NSA2: variants seen among roughly 807,000 people sequenced by gnomAD.
NSA2 encodes ribosome biogenesis protein NSA2 homolog.
A neutral mutation model predicts 34.8 loss-of-function variants in NSA2; 18 were observed. That is an observed-to-expected ratio of 0.52 (90% CI 0.36 to 0.77). The LOEUF (loss-of-function observed/expected upper bound fraction) is 0.77, where lower values mean the gene tolerates loss of function less well. Among genes scored for constraint, NSA2 ranks in the 30% least tolerant of loss-of-function variants. The probability of loss-of-function intolerance (pLI) is 0.00; values close to 1 mark genes in which losing one functional copy is unlikely to be tolerated. For synonymous variants in NSA2, 79 were observed against 100.2 expected (o/e 0.79, Z 1.26); for missense variants, 188 against 314.7 (o/e 0.60, Z 3.05).
intron 4 of NSA2, among the ~76,000 whole-genome samples, chr5:74,773,486 A>T (rs6453082): frequency 0.16 from 23,589 of 150,816 alleles, 2,195 homozygotes; most frequent in African/African-American, 0.26. Flanking sequence ...AAAAAAAAAA[A>T]AAAATAAGCT....
At chr5:74,776,435 C>G (rs1264624350) in intron 5 of NSA2, among the ~76,000 whole-genome samples, 169 bp from the exon 6 acceptor site, 4 of 152,008 alleles carry the variant, frequency 2.6e-5, no homozygotes, top group Non-Finnish European at 5.9e-5. Context: ...GCCCAGGAGG[C>G]AGAGGTTGCA....
intron 4 of NSA2, chr5:74,771,581 C>T (rs1052604387): frequency 6.6e-6 from 1 of 152,114 alleles, no homozygotes; most frequent in Non-Finnish European, 1.5e-5. Flanking sequence ...GGCGCGGTGG[C>T]TCACGCCTGT....
chr5:74,768,740 G>GC (rs1744806723), intron 1 of NSA2, among the ~76,000 whole-genome samples, 191 bp from the exon 2 acceptor site: 1 of 152,148 alleles, frequency 6.6e-6, no homozygotes, highest in South Asian at 2.1e-4. Flanking sequence ...AGAGATGTAA[G>GC]CCCTGATGCC....
intron 5 of NSA2, 60 bp from the exon 6 acceptor site, chr5:74,776,544 A>G (rs1745131367): frequency 1.1e-6 from 1 of 872,280 alleles, no homozygotes; most frequent in Non-Finnish European, 1.9e-6. Context: ...TATTCTTTAA[A>G]ATTAATTTTT....
At chr5:74,771,590 G>A (rs1744930799) in intron 4 of NSA2, 1 of 152,150 alleles carries the variant, frequency 6.6e-6, no homozygotes, top group Admixed American at 6.5e-5. Context: ...GCTCACGCCT[G>A]TAATCCCAGC....
chr5:74,772,101 A>T (rs958663813), intron 4 of NSA2, among the ~76,000 whole-genome samples: 1 of 151,802 alleles, frequency 6.6e-6, no homozygotes, highest in Non-Finnish European at 1.5e-5. Flanking sequence ...AACATGCCAT[A>T]ATCCTAGTGT....
chr5:74,774,067 G>C lies in NSA2; in HGVS notation c.715+7G>C. 6.3e-7 allele frequency: 1 copy of C among 1,598,818 alleles called. No homozygotes were observed. The highest frequency in any genetic ancestry group is 2.2e-5 in the East Asian group (1 of 44,776). ...GGAGGCAAAGTTATTTGGGGTAAGT[G>C]AATTTTTGAATACAGGGCTGCTGTG... On this transcript the variant is annotated splice_region_variant and intron_variant, in intron 5 of 5. Transcript: ENST00000610426.
At chr5:74,774,192 G>A (rs1742853981) in intron 5 of NSA2, 132 bp downstream of exon 5, 2 of 539,862 alleles carry the variant, frequency 3.7e-6, no homozygotes, top group Non-Finnish European at 6.5e-6. Context: ...TAAATCAGAT[G>A]TAAATATTTA....
chr5:74,767,277 TG>T lies in NSA2; in HGVS notation c.-81del. The stretch of plus-strand genomic sequence containing the variant: ...CTTTCCTGTCCCGGCCTGCGTGGTG[TG>T]GGCTTGTGGGTCTTTGAGACCCGAA... On this transcript the variant is annotated 5_prime_UTR_variant, in exon 1 of 6. Transcript: ENST00000610426. 1 of 1,555,956 alleles carries T rather than the reference TG, an allele frequency of 6.4e-7. No individual in the cohort carries two copies. The highest frequency in any genetic ancestry group is 8.9e-7 in the Non-Finnish European group (1 of 1,129,220).
Position 74,770,614 on chromosome 5 carries a change from CTG to C in NSA2, c.343-14_343-13del. Reference sequence around the variant, plus strand: ...CTTTAATAACAATATAAACTTTTAACTGTGGCATATTTTTAGGGAAAATGGGA... The same window carrying C: ...CTTTAATAACAATATAAACTTTTAACTGGCATATTTTTAGGGAAAATGGGA... On this transcript the variant is annotated splice_polypyrimidine_tract_variant and intron_variant, in intron 3 of 5. Transcript: ENST00000610426. 6.4e-7 allele frequency: 1 copy of C among 1,551,574 alleles called. No individual in the cohort carries two copies. Among genetic ancestry groups the C allele is most frequent in the Non-Finnish European group, 8.7e-7 (1 of 1,146,588 alleles).
At chr5:74,773,646 AAAAG>A (rs1745018343) in intron 4 of NSA2, among the ~76,000 whole-genome samples, 1 of 152,188 alleles carries the variant, frequency 6.6e-6, no homozygotes, top group Non-Finnish European at 1.5e-5. Flanking sequence ...TCTCAAAAGA[AAAAG>A]AAATTCTTAA....
chr5:74,768,138 A>G (rs143460716), intron 1 of NSA2, among the ~76,000 whole-genome samples: 3 of 152,374 alleles, frequency 2.0e-5, no homozygotes, highest in African/African-American at 4.8e-5. Context: ...GTCTGGCAGT[A>G]AACACACGTC....
At position 74,767,266 on chromosome 5, in the gene NSA2, C is replaced by G; in HGVS notation, c.-95C>G. The G allele has an allele frequency of 6.7e-7, 1 of 1,482,162 alleles. No homozygotes were observed. Among genetic ancestry groups the G allele is most frequent in the Non-Finnish European group, 9.4e-7 (1 of 1,063,638 alleles). The allele number at this position is 1,482,162 out of a possible 1,614,324, so 91.8% of individuals were successfully genotyped here. On this transcript the variant is annotated 5_prime_UTR_variant, in exon 1 of 6. Transcript: ENST00000610426. ...AAAGGGTGACTCTTTCCTGTCCCGG[C>G]CTGCGTGGTGTGGGCTTGTGGGTCT...
At chr5:74,774,176 A>G (rs1197756168) in intron 5 of NSA2, 116 bp downstream of exon 5, 1 of 609,890 alleles carries the variant, frequency 1.6e-6, no homozygotes, top group Non-Finnish European at 2.9e-6. Context: ...TAGAGCTAAA[A>G]CACTGTAAAT....
In NSA2 at chr5:74,771,825, G is replaced by T. The variant is rs140575650; in HGVS notation, c.522+1015G>T. ...GTGGAGATCATGCCACTGCACTCCAGCCTGGGGGACAGAGCAAGATTCTGT... is the reference window on the plus strand; with the variant it reads ...GTGGAGATCATGCCACTGCACTCCATCCTGGGGGACAGAGCAAGATTCTGT... On this transcript the variant is annotated intron_variant, in intron 4 of 5. Coordinates refer to ENST00000610426, the MANE Select transcript of NSA2 (RefSeq NM_014886.6). 7.0e-4 allele frequency among the ~76,000 whole-genome samples: 103 copies of T among 147,190 alleles called. 1 individual carries two copies. The East Asian group carries it at 0.02, about 28-fold the overall frequency.
Position 74,767,331 on chromosome 5 carries a change from G to T in NSA2, c.-30G>T, listed in dbSNP as rs770950512. On this transcript the variant is annotated 5_prime_UTR_variant, in exon 1 of 6. Transcript: ENST00000610426. ...TTGAGAGCGTTTTCGCACTCCAGCG[G>T]CTGCTCCTGGCGGCTCTGCGGCCGT... 6.2e-7 allele frequency: 1 copy of T among 1,613,384 alleles called. No individual in the cohort carries two copies. Among genetic ancestry groups the T allele is most frequent in the South Asian group, 1.1e-5 (1 of 91,068 alleles).
intron 4 of NSA2, among the ~76,000 whole-genome samples, 195 bp downstream of exon 4, chr5:74,771,005 C>T (rs1466371506): frequency 5.3e-5 from 8 of 152,238 alleles, no homozygotes; most frequent in Non-Finnish European, 5.9e-5. Flanking sequence ...TAGCCCAGTG[C>T]GGTGGCTCAC....
Position 74,777,446 on chromosome 5 carries a change from T to A in NSA2, c.*775T>A, listed in dbSNP as rs921915186. On this transcript the variant is annotated 3_prime_UTR_variant, in exon 6 of 6. Coordinates refer to ENST00000610426, the MANE Select transcript of NSA2 (RefSeq NM_014886.6). ...ACTGATTCCCTGAGGAGAAATTTATTTGCAGTTACTTAGATGATGTAAAAA... is the reference window on the plus strand; with the variant it reads ...ACTGATTCCCTGAGGAGAAATTTATATGCAGTTACTTAGATGATGTAAAAA... 8.5e-5 allele frequency: 13 copies of A among 152,186 alleles called. No individual in the cohort carries two copies. Among genetic ancestry groups the A allele is most frequent in the Non-Finnish European group, 1.8e-4 (12 of 67,982 alleles). The allele number at this position is 152,186 out of a possible 1,614,324, so 9.4% of individuals were successfully genotyped here. A position where few individuals can be genotyped will look rare whatever the true frequency, so the allele number is the denominator to read the frequency against.
At chr5:74,769,393 TTGTTTAGGA>T (rs1312195897) in intron 3 of NSA2, 29 bp downstream of exon 3, 3 of 1,564,660 alleles carry the variant, frequency 1.9e-6, no homozygotes, top group Non-Finnish European at 2.6e-6. Context: ...AGTCTTTGTT[TTGTTTAGGA>T]GAATTACTTA....
Sources: allele counts gnomAD v4.1 joint callset (sites outside exome capture counted in the v4.1 genomes callset), GRCh38; gene constraint gnomAD v4.1.1; transcripts MANE v1.5; gene names NCBI Gene and HGNC (gene_info 2026-07-23, HGNC 2026-07-21).